ERMP1: variants seen among roughly 807,000 people sequenced by gnomAD.
ERMP1 encodes Felix-ina.
ERMP1 carries 86 observed loss-of-function variants against 92.0 expected under a neutral mutation model. The ratio of observed to expected loss-of-function variants is 0.93; its 90% CI spans 0.79 to 1.12. The LOEUF is 1.12. Among genes scored for constraint, ERMP1 ranks in the 50% most tolerant of loss-of-function variants. The pLI, the probability that ERMP1 is intolerant of heterozygous loss-of-function variation, is 0.00. For missense variants in ERMP1, 1,342 were observed against 1,116.3 expected (o/e 1.20, Z -2.88); for synonymous variants, 530 against 412.8 (o/e 1.28, Z -3.44).
intron 13 of ERMP1, among the ~76,000 whole-genome samples, chr9:5,796,141 T>G (rs974140189): frequency 1.3e-5 from 2 of 152,252 alleles, no homozygotes; most frequent in African/African-American, 2.4e-5. Context: ...CTTCCCACCT[T>G]GATCTACAGA....
chr9:5,787,476 G>C lies in ERMP1; in HGVS notation c.2504C>G (p.Ser835Cys), dbSNP rs757856558. The change falls in exon 14 of 15, where the codon TCC becomes TGC. Residue 835 changes from serine to cysteine, a missense_variant. Coordinates refer to ENST00000339450, the MANE Select transcript of ERMP1 (RefSeq NM_024896.3). ...SKGGDYFVFY[S>C]HGLQASAWQF... ...CCATGCAGAGGCCTGGAGTCCATGG[G>C]AGTAAAAGACAAAGTAGTCTCCTCC... 2.0e-5 allele frequency: 33 copies of C among 1,614,000 alleles called. No homozygotes were observed. Among genetic ancestry groups the C allele is most frequent in the African/African-American group, 2.7e-5 (2 of 74,922 alleles).
intron 4 of ERMP1, among the ~76,000 whole-genome samples, chr9:5,815,853 C>T (rs1829284262): frequency 6.6e-6 from 1 of 151,918 alleles, no homozygotes; most frequent in South Asian, 2.1e-4. Context: ...ACTGAGGACA[C>T]AAATACAAAA....
chr9:5,853,752 A>G (rs796086124), intron 6 of ERMP1, among the ~76,000 whole-genome samples: 3 of 150,698 alleles, frequency 2.0e-5, no homozygotes, highest in African/African-American at 7.3e-5. Context: ...GCTTATGAAA[A>G]CAGATCCCAG....
At chr9:5,844,296 CAG>C (rs1329032504) in intron 6 of ERMP1, among the ~76,000 whole-genome samples, 1 of 152,120 alleles carries the variant, frequency 6.6e-6, no homozygotes, top group Non-Finnish European at 1.5e-5. Flanking sequence ...TGTTTCAAGA[CAG>C]AGTCTTGCTC....
intron 13 of ERMP1, among the ~76,000 whole-genome samples, chr9:5,794,979 A>G (rs1190267599): frequency 2.0e-5 from 3 of 152,236 alleles, no homozygotes; most frequent in African/African-American, 7.2e-5. Flanking sequence ...TCTCATGAAC[A>G]TAGATGCAAA....
In ERMP1 at chr9:5,832,813, C is replaced by T; in HGVS notation, c.215G>A (p.Arg72His). The T allele has an allele frequency of 6.7e-7, 1 of 1,501,944 alleles. No homozygotes were observed. The highest frequency in any genetic ancestry group is 8.8e-7 in the Non-Finnish European group (1 of 1,133,666). The allele number at this position is 1,501,944 out of a possible 1,614,324, so 93.0% of individuals were successfully genotyped here. The part of the protein sequence containing the change: ...RGAGTGLSEV[R>H]AALGLALYLI... ...GTAGAGCGCGAGCCCCAGCGCGGCG[C>T]GCACCTCAGACAGCCCGGTCCCCGC... The change falls in exon 1 of 15, where the codon CGC becomes CAC. Residue 72 changes from arginine to histidine, a missense_variant. By Grantham distance (29) the Arg-to-His change is conservative (BLOSUM62 0). Transcript: ENST00000339450.
chr9:5,842,148 G>A (rs768247516), intron 6 of ERMP1, among the ~76,000 whole-genome samples: 1 of 152,198 alleles, frequency 6.6e-6, no homozygotes, highest in Non-Finnish European at 1.5e-5. Flanking sequence ...GGGGACTGGA[G>A]CAGGTTGCAG....
At chr9:5,823,788 T>A (rs1829631594) in intron 4 of ERMP1, 108 bp downstream of exon 4, 1 of 770,744 alleles carries the variant, frequency 1.3e-6, no homozygotes. Flanking sequence ...TTAAAAAGAA[T>A]GCTCATTCAA....
chr9:5,855,028 G>A, intron 6 of ERMP1, among the ~76,000 whole-genome samples: 1 of 152,144 alleles, frequency 6.6e-6, no homozygotes, highest in East Asian at 1.9e-4. Flanking sequence ...CTCTTTCATA[G>A]CTCAGTTCCC....
At chr9:5,800,844 G>A (rs533661807) in intron 11 of ERMP1, among the ~76,000 whole-genome samples, 254 of 152,212 alleles carry the variant, frequency 1.7e-3, no homozygotes, top group Middle Eastern at 6.8e-3. Flanking sequence ...TACTCAGCCT[G>A]TATACATTTT....
At chr9:5,838,880 A>C (rs985778769) in intron 6 of ERMP1, among the ~76,000 whole-genome samples, 3 of 152,314 alleles carry the variant, frequency 2.0e-5, no homozygotes, top group Non-Finnish European at 4.4e-5. Flanking sequence ...AAGAACACTA[A>C]AGCAATAACA....
intron 6 of ERMP1, among the ~76,000 whole-genome samples, chr9:5,854,621 T>C (rs1466252170): frequency 1.3e-5 from 2 of 152,144 alleles, no homozygotes; most frequent in Non-Finnish European, 2.9e-5. Flanking sequence ...AACCTTCACC[T>C]CCTGGTTTAA....
chr9:5,831,436 T>C (rs1287488610), intron 1 of ERMP1, among the ~76,000 whole-genome samples: 1 of 152,076 alleles, frequency 6.6e-6, no homozygotes, highest in African/African-American at 2.4e-5. Context: ...TGAAACCCCA[T>C]CTCTTCTAAA....
Position 5,786,155 on chromosome 9 carries a change from T to C in ERMP1, c.*989A>G, listed in dbSNP as rs568871351. On this transcript the variant is annotated 3_prime_UTR_variant, in exon 15 of 15. Coordinates refer to ENST00000339450, the MANE Select transcript of ERMP1 (RefSeq NM_024896.3). ...TTCAACTGGCTGGAAAACAAAAAGA[T>C]AGGCCCAGTGCATCAGTAAGATTAT... 1.3e-5 allele frequency: 2 copies of C among 152,114 alleles called. No individual in the cohort carries two copies. The highest frequency in any genetic ancestry group is 2.9e-5 in the Non-Finnish European group (2 of 68,008). 9.4% of individuals were successfully genotyped at this position (152,114 alleles called of 1,614,324 possible).
chr9:5,861,363 A>T (rs1467438285), intron 5 of ERMP1, among the ~76,000 whole-genome samples: 2 of 151,860 alleles, frequency 1.3e-5, no homozygotes, highest in African/African-American at 4.8e-5. Context: ...TATATTCTAC[A>T]CTCTTTCTAC....
Position 5,797,913 on chromosome 9 carries a change from C to T in ERMP1, c.2290G>A (p.Ala764Thr). 1 of 1,611,584 alleles carries T rather than the reference C, an allele frequency of 6.2e-7. No individual in the cohort carries two copies. The highest frequency in any genetic ancestry group is 1.3e-5 in the African/African-American group (1 of 74,944). Residue 764 changes from alanine to threonine, a missense_variant, in exon 13 of 15, where the codon GCC becomes ACC. Ala to Thr is a moderately conservative substitution (Grantham distance 58). Coordinates refer to ENST00000339450, the MANE Select transcript of ERMP1 (RefSeq NM_024896.3). ...FLIRKNWYLP[A>T]PEVSPRNPPH... Reference sequence around the variant, plus strand: ...GGATTTCTTGGAGAAACTTCTGGGGCAGGAAGATACCAGTTTTTCCTATTT... The same window carrying T: ...GGATTTCTTGGAGAAACTTCTGGGGTAGGAAGATACCAGTTTTTCCTATTT...
At position 5,797,819 on chromosome 9, in the gene ERMP1, G is replaced by T; in HGVS notation, c.2384C>A (p.Thr795Lys). 4 of 1,576,060 alleles carry T rather than the reference G, an allele frequency of 2.5e-6. No homozygotes were observed. Among genetic ancestry groups the T allele is most frequent in the Non-Finnish European group, 3.5e-6 (4 of 1,152,522 alleles). Residue 795 changes from threonine to lysine, a missense_variant and splice_region_variant, in exon 13 of 15, where the codon ACA becomes AAA. Physicochemically the swap from Thr to Lys is moderately conservative, Grantham distance 78 (BLOSUM62 -1). Coordinates refer to ENST00000339450, the MANE Select transcript of ERMP1 (RefSeq NM_024896.3). ...GAAAAAACTATTATATGACTTACCT[G>T]TTGCTTCAAAAGTCAATTTTATAGA... ...WDSIKLTFEA[T>K]GPSHMSFYVR...
rs903760648 is a variant in ERMP1, at chr9:5,785,339, T to C, written c.*1805A>G. On this transcript the variant is annotated 3_prime_UTR_variant, in exon 15 of 15. Coordinates refer to ENST00000339450, the MANE Select transcript of ERMP1 (RefSeq NM_024896.3). The stretch of plus-strand genomic sequence containing the variant: ...AAAATAGGCCCATTTTTAAAATTCA[T>C]TGAGAAATTATTACTTTTTCTCCAC... The C allele has an allele frequency of 3.3e-5, 5 of 152,244 alleles. No homozygotes were observed. The highest frequency in any genetic ancestry group is 1.3e-4 in the Admixed American group (2 of 15,278). The allele number at this position is 152,244 out of a possible 1,614,324, so 9.4% of individuals were successfully genotyped here.
chr9:5,801,371 C>T, intron 10 of ERMP1, 43 bp from the exon 11 acceptor site: 1 of 1,579,786 alleles, frequency 6.3e-7, no homozygotes, highest in Admixed American at 1.8e-5. Flanking sequence ...CAAATTCATT[C>T]TAGTGGTGGA....
Sources: allele counts gnomAD v4.1 joint callset (sites outside exome capture counted in the v4.1 genomes callset), GRCh38; gene constraint gnomAD v4.1.1; transcripts MANE v1.5; gene names NCBI Gene and HGNC (gene_info 2026-07-23, HGNC 2026-07-21).